NDUFS2: variants seen among roughly 807,000 people sequenced by gnomAD.
The protein encoded by NDUFS2 is NADH:ubiquinone oxidoreductase core subunit S2.
NDUFS2 carries 38 observed loss-of-function variants against 69.6 expected under a neutral mutation model. The ratio of observed to expected loss-of-function variants is 0.55; its 90% CI spans 0.42 to 0.72. The LOEUF (loss-of-function observed/expected upper bound fraction) is 0.72, where lower values mean the gene tolerates loss of function less well. NDUFS2 is among the 30% of genes least tolerant of loss of function. The pLI, the probability that NDUFS2 is intolerant of heterozygous loss-of-function variation, is 0.00. For synonymous variants in NDUFS2, 194 were observed against 211.2 expected, an observed-to-expected ratio of 0.92 and a Z score of 0.70; for missense variants, 468 against 595.0, an observed-to-expected ratio of 0.79 and a Z score of 2.22.
At chr1:161,204,966 G>A (rs1436027704) in intron 2 of NDUFS2, among the ~76,000 whole-genome samples, 2 of 151,780 alleles carry the variant, frequency 1.3e-5, no homozygotes, top group African/African-American at 4.8e-5. Context: ...CAGGAGAATC[G>A]CTTGAACCTG....
intron 10 of NDUFS2, 122 bp downstream of exon 10, chr1:161,212,602 T>C (rs1665833377): frequency 3.0e-6 from 4 of 1,326,544 alleles, no homozygotes; most frequent in Non-Finnish European, 4.1e-6. Context: ...AGTTTTACTC[T>C]TATTGCCCAG....
intron 9 of NDUFS2, 49 bp from the exon 10 acceptor site, chr1:161,212,302 T>C (rs1665814708): frequency 6.2e-7 from 1 of 1,610,424 alleles, no homozygotes; most frequent in African/African-American, 1.3e-5. Flanking sequence ...CCTAGCCCCA[T>C]ACCTGCTCCT....
intron 3 of NDUFS2, among the ~76,000 whole-genome samples, chr1:161,208,029 G>GGCT (rs1665569729): frequency 7.3e-6 from 1 of 137,072 alleles, no homozygotes; most frequent in Non-Finnish European, 1.5e-5. Context: ...TTGTTGCCCA[G>GGCT]GCTGGAGTGC....
chr1:161,206,644 T>C, intron 3 of NDUFS2, 47 bp downstream of exon 3: 1 of 1,599,592 alleles, frequency 6.3e-7, no homozygotes, highest in Non-Finnish European at 8.5e-7. Flanking sequence ...GGGGTTGCTT[T>C]AGCCTGGGGC....
intron 10 of NDUFS2, 197 bp from the exon 11 acceptor site, chr1:161,213,183 G>A (rs1176250669): frequency 2.6e-5 from 14 of 531,142 alleles, no homozygotes; most frequent in East Asian, 1.1e-4. Context: ...AATTACAAGC[G>A]TGAGTCACCG....
At chr1:161,198,251 G>A (rs903882429), upstream of NDUFS2, 5 of 1,614,054 alleles carry the variant, frequency 3.1e-6, no homozygotes, top group Non-Finnish European at 4.2e-6. The surrounding 1 kb of genome is among the most constrained non-coding windows in gnomAD (Gnocchi z 4.7). Context: ...AGTCAGGTAG[G>A]TGCCAGGCTC....
At chr1:161,213,333 C>G in intron 10 of NDUFS2, 47 bp from the exon 11 acceptor site, 1 of 1,329,654 alleles carries the variant, frequency 7.5e-7, no homozygotes, top group Non-Finnish European at 1.1e-6. Flanking sequence ...GCCTAGGAGA[C>G]AGAGTTTGGA....
Position 161,213,430 on chromosome 1 carries a change from C to A in NDUFS2, c.1167C>A (p.Tyr389Ter). The change falls in exon 11 of 14, where the codon TAC (tyrosine) becomes TAA (stop). Residue 389 changes from tyrosine to a stop codon, truncating the protein, a stop_gained. Transcript: ENST00000676972. LOFTEE classifies it high-confidence loss of function. ...IHHFKLYTEG[Y>*]QVPPGATYTA... ...ACTTTAAGTTGTATACTGAGGGCTA[C>A]CAAGTTCCTCCAGGAGCCACATATA... 1.2e-6 allele frequency: 2 copies of A among 1,611,002 alleles called. No individual in the cohort carries two copies. The highest frequency in any genetic ancestry group is 1.7e-6 in the Non-Finnish European group (2 of 1,178,336).
chr1:161,203,994 A>G (rs943595418), intron 2 of NDUFS2, among the ~76,000 whole-genome samples: 1 of 152,246 alleles, frequency 6.6e-6, no homozygotes, highest in Non-Finnish European at 1.5e-5. Flanking sequence ...TTCAACAGAC[A>G]TAATAGTGAT....
rs1443548526 is a variant in NDUFS2 at position 161,213,951 on chromosome 1, C to T, written c.1354+30C>T. The T allele has an allele frequency of 5.6e-6, 9 of 1,614,058 alleles. No individual in the cohort carries two copies. In the East Asian group the frequency reaches 6.7e-5, roughly 12 times the overall value. On this transcript the variant is annotated intron_variant, in intron 13 of 13. Transcript: ENST00000676972. ...GAGGCCTATTGTGTAGTAGAGGTAT[C>T]CTAGACAAAGGAGTTCGGGACGCCC...
chr1:161,198,588 C>T (rs1558078726), upstream of NDUFS2: 1 of 1,539,646 alleles, frequency 6.5e-7, no homozygotes, highest in Non-Finnish European at 8.8e-7. This position sits in a 1 kb window ranked among gnomAD's most constrained non-coding sequence, Gnocchi z 4.7. Flanking sequence ...AGCCAGCGCC[C>T]TGCCAAGCCC....
upstream of NDUFS2, among the ~76,000 whole-genome samples, chr1:161,199,907 C>A (rs1204106850): frequency 1.3e-5 from 2 of 151,372 alleles, no homozygotes; most frequent in Non-Finnish European, 2.9e-5. Context: ...CCTGACTCCC[C>A]ATTTCCCTGG....
Position 161,210,095 on chromosome 1 carries a change from T to C in NDUFS2, c.703-16T>C. 6.2e-7 allele frequency: 1 copy of C among 1,613,390 alleles called. No individual in the cohort carries two copies. ...AGGCTATGCCACATTCAGTAGCACT[T>C]CCGTTTGGCTTCTAGGACCTACCCC... On this transcript the variant is annotated splice_polypyrimidine_tract_variant and intron_variant, in intron 6 of 13. Coordinates refer to ENST00000676972, the MANE Select transcript of NDUFS2 (RefSeq NM_001377299.1).
intron 2 of NDUFS2, among the ~76,000 whole-genome samples, chr1:161,206,185 T>C (rs1558083280): frequency 6.6e-6 from 1 of 152,132 alleles, no homozygotes; most frequent in Non-Finnish European, 1.5e-5. Flanking sequence ...AAAGGTATTC[T>C]AGGAGACATA....
chr1:161,208,612 A>G (rs1249656978), intron 3 of NDUFS2, among the ~76,000 whole-genome samples: 1 of 152,278 alleles, frequency 6.6e-6, no homozygotes, highest in Non-Finnish European at 1.5e-5. Flanking sequence ...GACTCTTGAC[A>G]GTGGTATCCT....
Position 161,214,308 on chromosome 1 carries a change from T to C in NDUFS2, c.*115T>C, listed in dbSNP as rs1022000383. ...GTGTGTGTGTGTGTGTGTATGTTCATGTACACTTGGCTGTCAGGCTTTCTG... is the reference window on the plus strand; with the variant it reads ...GTGTGTGTGTGTGTGTGTATGTTCACGTACACTTGGCTGTCAGGCTTTCTG... On this transcript the variant is annotated 3_prime_UTR_variant, in exon 14 of 14. Coordinates refer to ENST00000676972, the MANE Select transcript of NDUFS2 (RefSeq NM_001377299.1). The C allele has an allele frequency of 1.2e-5, 12 of 985,278 alleles. No individual in the cohort carries two copies. In the African/African-American group the frequency reaches 1.8e-4, roughly 14 times the overall value. The allele number at this position is 985,278 out of a possible 1,614,324, so 61.0% of individuals were successfully genotyped here.
At chr1:161,202,517 A>G in intron 1 of NDUFS2, 37 bp downstream of exon 1, 2 of 1,579,742 alleles carry the variant, frequency 1.3e-6, no homozygotes, top group Non-Finnish European at 1.7e-6. Context: ...ACTTTCTCCA[A>G]GGCTAGGGTT....
At position 161,209,923 on chromosome 1, in the gene NDUFS2, G is replaced by C; in HGVS notation, c.694G>C (p.Val232Leu). Residue 232 changes from valine (V) to leucine (L), a missense_variant, in exon 6 of 14, where the codon GTG becomes CTG. Transcript: ENST00000676972. Reference sequence around the variant, plus strand: ...TGCTGCTTATATCCGGCCAGGAGGAGTGCACCAGGTGAGCAGGTCCCCGGC... The same window carrying C: ...TGCTGCTTATATCCGGCCAGGAGGACTGCACCAGGTGAGCAGGTCCCCGGC... ...MHAAYIRPGGVHQDLPLGLMD... is the reference protein window; with the variant it reads ...MHAAYIRPGGLHQDLPLGLMD... 6.2e-7 allele frequency: 1 copy of C among 1,614,066 alleles called. No homozygotes were observed. The highest frequency in any genetic ancestry group is 1.1e-5 in the South Asian group (1 of 91,074).
At chr1:161,206,123 G>A (rs968298583) in intron 2 of NDUFS2, among the ~76,000 whole-genome samples, 7 of 151,654 alleles carry the variant, frequency 4.6e-5, no homozygotes, top group African/African-American at 1.7e-4. Context: ...TAAGTGTTAT[G>A]TATTATTAAA....
Sources: gnomAD v4.1 joint callset for allele counts (sites outside exome capture counted in the v4.1 genomes callset) on GRCh38, gnomAD v4.1.1 for gene constraint, Gnocchi (gnomAD v3.1) non-coding constraint, MANE v1.5 for transcripts, NCBI Gene and HGNC (gene_info 2026-07-23, HGNC 2026-07-21) for gene names.